NFYC: variants seen among roughly 807,000 people sequenced by gnomAD.
The protein encoded by NFYC is nuclear transcription factor Y subunit gamma, also known as CAAT box DNA-binding protein subunit C.
NFYC carries 25 observed loss-of-function variants against 53.1 expected under a neutral mutation model. The ratio of observed to expected loss-of-function variants is 0.47; its 90% CI spans 0.34 to 0.66. The LOEUF is 0.66. NFYC is among the 30% of genes least tolerant of loss of function. The pLI is 0.01. For missense variants in NFYC, 260 were observed against 422.7 expected (o/e 0.62, Z 3.38); for synonymous variants, 145 against 152.6 (o/e 0.95, Z 0.37).
At chr1:40,693,073 C>T (rs1052639938) in intron 1 of NFYC, among the ~76,000 whole-genome samples, 2 of 152,120 alleles carry the variant, frequency 1.3e-5, no homozygotes, top group Non-Finnish European at 2.9e-5. Flanking sequence ...CAGAAATTTT[C>T]GGTCTTGGTT....
At chr1:40,712,838 C>G (rs1643984538) in intron 1 of NFYC, 1 of 151,316 alleles carries the variant, frequency 6.6e-6, no homozygotes, top group Non-Finnish European at 1.5e-5. Context: ...GCCACCGTGC[C>G]CAACTAATTT....
intron 2 of NFYC, among the ~76,000 whole-genome samples, chr1:40,740,923 ATTT>A (rs111415840): frequency 1.4e-5 from 2 of 140,812 alleles, no homozygotes; most frequent in African/African-American, 2.6e-5. Context: ...TTGGACTTTG[ATTT>A]TTTTTTTTTT....
intron 7 of NFYC, among the ~76,000 whole-genome samples, chr1:40,765,160 A>G (rs1217270096): frequency 2.6e-5 from 4 of 152,294 alleles, no homozygotes; most frequent in Admixed American, 2.6e-4. Flanking sequence ...GTTGCCAGGA[A>G]GCTGCATTAT....
intron 6 of NFYC, among the ~76,000 whole-genome samples, chr1:40,759,955 A>T (rs1398154093): frequency 6.6e-6 from 1 of 152,094 alleles, no homozygotes; most frequent in East Asian, 1.9e-4. Context: ...AGGTAGATTG[A>T]TTGATTGATG....
At chr1:40,738,770 C>T in intron 1 of NFYC, 66 bp from the exon 2 acceptor site, 1 of 1,135,814 alleles carries the variant, frequency 8.8e-7, no homozygotes, top group Non-Finnish European at 1.3e-6. Flanking sequence ...TATACAAATG[C>T]CTAATCTGGA....
intron 1 of NFYC, among the ~76,000 whole-genome samples, chr1:40,698,912 C>G (rs1179389326): frequency 3.3e-5 from 5 of 152,046 alleles, no homozygotes. Context: ...CACCTGTAAT[C>G]CCAGCACTTT....
At chr1:40,734,215 A>G (rs1644910156) in intron 1 of NFYC, among the ~76,000 whole-genome samples, 1 of 152,154 alleles carries the variant, frequency 6.6e-6, no homozygotes, top group Non-Finnish European at 1.5e-5. Flanking sequence ...TTCCCTTATT[A>G]TCCTAGAAGA....
chr1:40,752,645 G>C (rs181889850), intron 4 of NFYC, among the ~76,000 whole-genome samples: 2 of 152,068 alleles, frequency 1.3e-5, no homozygotes, highest in East Asian at 1.9e-4. Flanking sequence ...TTGCAATTTA[G>C]AATTCCCAAA....
At chr1:40,754,407 G>A (rs752073476) in intron 5 of NFYC, 1 of 534,382 alleles carries the variant, frequency 1.9e-6, no homozygotes, top group Non-Finnish European at 3.8e-6. Context: ...AAGGTGTTCA[G>A]AGGAGCTTTC....
intron 2 of NFYC, among the ~76,000 whole-genome samples, chr1:40,746,263 T>C (rs753955266): frequency 6.6e-6 from 1 of 152,210 alleles, no homozygotes; most frequent in Non-Finnish European, 1.5e-5. Flanking sequence ...GTTTGAAGTT[T>C]GTAGAGCAGA....
intron 6 of NFYC, among the ~76,000 whole-genome samples, chr1:40,759,139 A>G (rs555262993): frequency 5.5e-4 from 83 of 152,110 alleles, no homozygotes; most frequent in Non-Finnish European, 1.1e-3. Context: ...TGGGAGGCCA[A>G]TGTGGGAGGA....
At chr1:40,719,950 A>G (rs186003048) in intron 1 of NFYC, among the ~76,000 whole-genome samples, 23 of 152,020 alleles carry the variant, frequency 1.5e-4, no homozygotes, top group Admixed American at 1.2e-3. Flanking sequence ...TGAGAAACAC[A>G]TAAAATAACA....
intron 4 of NFYC, among the ~76,000 whole-genome samples, 189 bp downstream of exon 4, chr1:40,749,875 G>A (rs1645815927): frequency 6.6e-6 from 1 of 152,232 alleles, no homozygotes; most frequent in Admixed American, 6.5e-5. Flanking sequence ...TTGGGAGGCA[G>A]ACATACCTTC....
At position 40,771,494 on chromosome 1, in the gene NFYC, GTGTTT is replaced by G. The variant is rs1201915734; in HGVS notation, c.*667_*671del. ...GGGACCCAGGAAACTAGGACTTTGTGTGTTTGCTGCCCACCTCCCTTTTATTTTTT... is the reference window on the plus strand; with the variant it reads ...GGGACCCAGGAAACTAGGACTTTGTGGCTGCCCACCTCCCTTTTATTTTTT... On this transcript the variant is annotated 3_prime_UTR_variant, in exon 10 of 10. Transcript: ENST00000447388. The G allele has an allele frequency of 2.1e-5, 10 of 466,126 alleles. No homozygotes were observed. The highest frequency in any genetic ancestry group is 1.2e-4 in the African/African-American group (6 of 49,814). The allele number at this position is 466,126 out of a possible 1,614,324, so 28.9% of individuals were successfully genotyped here.
chr1:40,769,310 A>G, intron 8 of NFYC, 46 bp from the exon 9 acceptor site: 1 of 1,591,266 alleles, frequency 6.3e-7, no homozygotes, highest in Non-Finnish European at 8.6e-7. Flanking sequence ...CTGGTGGATC[A>G]GACCCTGCAG....
intron 1 of NFYC, among the ~76,000 whole-genome samples, chr1:40,719,160 C>T (rs367867095): frequency 6.6e-6 from 1 of 152,208 alleles, no homozygotes; most frequent in Admixed American, 6.5e-5. Flanking sequence ...TGAGCCACGG[C>T]GCCTGGCCCA....
chr1:40,737,926 G>C (rs1299714911), intron 1 of NFYC, among the ~76,000 whole-genome samples: 2 of 128,472 alleles, frequency 1.6e-5, no homozygotes, highest in African/African-American at 6.0e-5. Flanking sequence ...TTTTTGAGAC[G>C]GAGTCTCGCT....
intron 1 of NFYC, among the ~76,000 whole-genome samples, chr1:40,697,519 T>G (rs150486179): frequency 3.6e-4 from 55 of 152,318 alleles, no homozygotes; most frequent in African/African-American, 1.3e-3. Flanking sequence ...AAGTGTTGAG[T>G]GGTAATGATT....
Position 40,714,818 on chromosome 1 carries a change from CG to C in NFYC, c.-9+22952del, listed in dbSNP as rs1392929296. The stretch of plus-strand genomic sequence containing the variant: ...TTTGAGGGCAGGGCGTGGTGGCTCA[CG>C]CCTGTAATCCCAGCACTTTGGGAGG... On this transcript the variant is annotated intron_variant, in intron 1 of 9. Transcript: ENST00000447388. Among the ~76,000 whole-genome samples the C allele has an allele frequency of 7.9e-5, 12 of 152,186 alleles. No homozygotes were observed. The East Asian group carries it at 2.3e-3, about 29-fold the overall frequency.
Sources: allele counts gnomAD v4.1 joint callset (sites outside exome capture counted in the v4.1 genomes callset), GRCh38; gene constraint gnomAD v4.1.1; transcripts MANE v1.5; gene names NCBI Gene and HGNC (gene_info 2026-07-23, HGNC 2026-07-21).